Variants in ME3 observed in about 807,000 individuals in gnomAD.
ME3 encodes NADP-dependent malic enzyme, mitochondrial.
A neutral mutation model predicts 68.9 loss-of-function variants in ME3; 48 were observed. That is an observed-to-expected ratio of 0.70 (90% CI 0.55 to 0.89). The LOEUF is 0.89. ME3 is among the 40% of genes least tolerant of loss of function. ME3 has a pLI of 0.00. For missense variants in ME3, 675 were observed against 797.4 expected, an observed-to-expected ratio of 0.85 and a Z score of 1.85; for synonymous variants, 320 against 318.8, an observed-to-expected ratio of 1.00 and a Z score of -0.04.
intron 2 of ME3, among the ~76,000 whole-genome samples, chr11:86,657,324 T>C (rs965422570): frequency 3.3e-5 from 5 of 152,080 alleles, no homozygotes; most frequent in Non-Finnish European, 5.9e-5. Context: ...TGCAGGGACA[T>C]GGATGAAGCT....
At chr11:86,480,527 C>T (rs1053961807) in intron 7 of ME3, among the ~76,000 whole-genome samples, 1 of 152,190 alleles carries the variant, frequency 6.6e-6, no homozygotes, top group Admixed American at 6.5e-5. Context: ...CTCCCTCTTC[C>T]AAGCTCACTG....
intron 2 of ME3, among the ~76,000 whole-genome samples, chr11:86,595,196 A>C (rs1205249908): frequency 6.9e-6 from 1 of 144,718 alleles, no homozygotes; most frequent in Non-Finnish European, 1.5e-5. Flanking sequence ...TAAATAAAGA[A>C]ATAAAATAGG....
chr11:86,455,728 C>T (rs1949880197), intron 8 of ME3, among the ~76,000 whole-genome samples: 1 of 152,144 alleles, frequency 6.6e-6, no homozygotes, highest in Non-Finnish European at 1.5e-5. Context: ...CCTTGCTACC[C>T]CAGGCATCCT....
intron 2 of ME3, among the ~76,000 whole-genome samples, chr11:86,606,305 C>T (rs148265011): frequency 4.4e-4 from 67 of 152,284 alleles, no homozygotes; most frequent in African/African-American, 1.5e-3. Context: ...CTATTTCCCT[C>T]CTGGGCCTTT....
At chr11:86,571,656 C>T (rs1264806072) in intron 2 of ME3, among the ~76,000 whole-genome samples, 8 of 152,250 alleles carry the variant, frequency 5.3e-5, no homozygotes, top group East Asian at 1.9e-4. Context: ...CACTCCCAGC[C>T]TGGCCTAATG....
rs143707298 is a variant in ME3 at position 86,546,611 on chromosome 11, A to T, written c.467+9942T>A. On this transcript the variant is annotated intron_variant, in intron 4 of 14. Transcript: ENST00000543262. The stretch of plus-strand genomic sequence containing the variant: ...TAGAGAAACGCAAATCAAAAGCACA[A>T]TGAGATACCATCTCATGCCAGTTAG... 9.1e-4 allele frequency among the ~76,000 whole-genome samples: 138 copies of T among 152,362 alleles called. 1 individual carries two copies. The highest frequency in any genetic ancestry group is 3.1e-3 in the African/African-American group (130 of 41,594).
chr11:86,586,012 C>T (rs536539580), intron 2 of ME3, among the ~76,000 whole-genome samples: 15 of 152,248 alleles, frequency 9.9e-5, no homozygotes, highest in African/African-American at 2.9e-4. Flanking sequence ...GGAGGTTCTT[C>T]GTAACCCAGT....
In ME3 at chr11:86,446,504, A is replaced by T. The variant is rs1385346802; in HGVS notation, c.1381-17T>A. 17 of 1,613,586 alleles carry T rather than the reference A, an allele frequency of 1.1e-5. No homozygotes were observed. In the South Asian group the frequency reaches 1.8e-4, roughly 17 times the overall value. On this transcript the variant is annotated splice_polypyrimidine_tract_variant and intron_variant, in intron 12 of 14. Transcript: ENST00000543262. ...CCCTCGGCCCTGGAGGCAGGAAGAA[A>T]ACCAGAGATGAACTTGGAGATTGGT...
intron 7 of ME3, among the ~76,000 whole-genome samples, chr11:86,467,244 A>G (rs1297506693): frequency 6.6e-6 from 1 of 152,204 alleles, no homozygotes; most frequent in Non-Finnish European, 1.5e-5. Flanking sequence ...CTGAAGCCTG[A>G]GGGTAATTTT....
intron 2 of ME3, among the ~76,000 whole-genome samples, chr11:86,589,205 G>T (rs1253615638): frequency 6.6e-6 from 1 of 152,030 alleles, no homozygotes; most frequent in African/African-American, 2.4e-5. Context: ...AAAAATATTT[G>T]TCAGATTTAC....
chr11:86,664,340 A>C (rs140214189), intron 2 of ME3, among the ~76,000 whole-genome samples: 61 of 152,354 alleles, frequency 4.0e-4, no homozygotes, highest in African/African-American at 1.4e-3. Flanking sequence ...CAGTCTACTT[A>C]GTATTTTGCA....
chr11:86,606,885 C>G (rs1011397195), intron 2 of ME3, among the ~76,000 whole-genome samples: 1 of 152,182 alleles, frequency 6.6e-6, no homozygotes, highest in African/African-American at 2.4e-5. Flanking sequence ...CCAGGAGAAA[C>G]AAATGTAAAT....
intron 4 of ME3, among the ~76,000 whole-genome samples, chr11:86,512,435 C>T (rs1005268551): frequency 6.6e-6 from 1 of 152,202 alleles, no homozygotes; most frequent in Non-Finnish European, 1.5e-5. Context: ...TATTATTCAC[C>T]ACTATATCCC....
intron 4 of ME3, among the ~76,000 whole-genome samples, chr11:86,538,047 T>C (rs1955804305): frequency 6.6e-6 from 1 of 152,172 alleles, no homozygotes; most frequent in Admixed American, 6.5e-5. Flanking sequence ...TCACCCCATG[T>C]CCCTGCAAGG....
At chr11:86,470,350 G>A (rs1365587580) in intron 7 of ME3, among the ~76,000 whole-genome samples, 1 of 152,032 alleles carries the variant, frequency 6.6e-6, no homozygotes. Context: ...CGTTCAGTGA[G>A]ATTATCAGTT....
exon 13 of ME3, chr11:86,446,477 A>G: frequency 3.1e-6 from 5 of 1,614,158 alleles, no homozygotes; most frequent in Non-Finnish European, 4.2e-6. Flanking sequence ...ACTGGCAAAA[A>G]TCCCTCGGCC....
In ME3 at chr11:86,455,332, A is replaced by G. The variant is rs377609376; in HGVS notation, c.920-4934T>C. On this transcript the variant is annotated intron_variant, in intron 8 of 14. Coordinates refer to ENST00000543262, the Ensembl canonical transcript of ME3. ...ACAGTGGGTAGTCAGAGATCACTGG[A>G]AATTGTTACATTCATTTATTTTTTG... Among the ~76,000 whole-genome samples, 123 of 152,340 alleles carry G rather than the reference A, an allele frequency of 8.1e-4. 2 individuals are homozygous for G. In the South Asian group the frequency reaches 0.011, roughly 13 times the overall value.
intron 8 of ME3, among the ~76,000 whole-genome samples, chr11:86,455,270 C>A (rs763446087): frequency 3.0e-4 from 46 of 152,216 alleles, no homozygotes; most frequent in Non-Finnish European, 4.6e-4. Context: ...TCAGAGAACT[C>A]CCAGTTTACT....
chr11:86,564,476 A>AAC (rs58120093), intron 2 of ME3, among the ~76,000 whole-genome samples: 5,882 of 145,302 alleles, frequency 0.04, 339 homozygotes, highest in African/African-American at 0.12. Flanking sequence ...AAAAAAAAAA[A>AAC]CAGTGTGGGA....
Sources: allele counts gnomAD v4.1 joint callset (sites outside exome capture counted in the v4.1 genomes callset), GRCh38; gene constraint gnomAD v4.1.1; transcripts MANE v1.5; gene names NCBI Gene and HGNC (gene_info 2026-07-23, HGNC 2026-07-21).